The following RUNDC3B variants were observed in gnomAD, a reference collection of about 807,000 sequenced individuals.
RUNDC3B encodes RUN domain containing 3B.
Under a neutral mutation model 58.4 loss-of-function variants are expected in RUNDC3B, and 33 were observed. The observed-to-expected ratio is 0.56, with a 90% confidence interval of 0.43 to 0.75. The LOEUF is 0.75. RUNDC3B is among the 30% of genes least tolerant of loss of function. The pLI is 0.00. For synonymous variants in RUNDC3B, 193 were observed against 195.2 expected, an observed-to-expected ratio of 0.99 and a Z score of 0.10; for missense variants, 501 against 535.7, an observed-to-expected ratio of 0.94 and a Z score of 0.64.
intron 9 of RUNDC3B, among the ~76,000 whole-genome samples, chr7:87,813,043 T>C (rs1019327506): frequency 6.6e-6 from 1 of 152,272 alleles, no homozygotes; most frequent in Non-Finnish European, 1.5e-5. Context: ...TGTAGTCATT[T>C]TCATGCAAAG....
chr7:87,630,033 A>G (rs1450585813), intron 1 of RUNDC3B, among the ~76,000 whole-genome samples: 1 of 152,200 alleles, frequency 6.6e-6, no homozygotes, highest in African/African-American at 2.4e-5. Flanking sequence ...AGAAAAATTG[A>G]AACCCTAAGC....
At chr7:87,796,683 A>G (rs1835838972) in intron 8 of RUNDC3B, among the ~76,000 whole-genome samples, 1 of 152,218 alleles carries the variant, frequency 6.6e-6, no homozygotes, top group Admixed American at 6.5e-5. Flanking sequence ...ACTGTCAACC[A>G]TGTTTCATAT....
At chr7:87,642,326 G>GT (rs1822540812) in intron 1 of RUNDC3B, among the ~76,000 whole-genome samples, 1 of 151,912 alleles carries the variant, frequency 6.6e-6, no homozygotes, top group Non-Finnish European at 1.5e-5. Flanking sequence ...ATATGTTATG[G>GT]TTTTTTTCTG....
chr7:87,696,501 A>C (rs938878782), intron 2 of RUNDC3B, among the ~76,000 whole-genome samples: 2 of 152,320 alleles, frequency 1.3e-5, no homozygotes, highest in African/African-American at 4.8e-5. Context: ...CTTTCTGTAG[A>C]TGCAGAAATT....
At chr7:87,734,188 G>T (rs1263033546) in intron 4 of RUNDC3B, among the ~76,000 whole-genome samples, 1 of 152,104 alleles carries the variant, frequency 6.6e-6, no homozygotes, top group Non-Finnish European at 1.5e-5. Context: ...ATACATTGCT[G>T]GTGGGAAAAG....
At chr7:87,763,320 A>G (rs1833800859) in intron 6 of RUNDC3B, among the ~76,000 whole-genome samples, 1 of 151,576 alleles carries the variant, frequency 6.6e-6, no homozygotes, top group South Asian at 2.1e-4. Flanking sequence ...TATACTCTCA[A>G]TATTTGTTTA....
At chr7:87,763,192 C>G (rs1271179931) in intron 6 of RUNDC3B, among the ~76,000 whole-genome samples, 1 of 151,576 alleles carries the variant, frequency 6.6e-6, no homozygotes, top group Non-Finnish European at 1.5e-5. Flanking sequence ...AAATGAGAAT[C>G]TTGCATTGCT....
At chr7:87,709,612 C>A in intron 3 of RUNDC3B, 2 of 624,342 alleles carry the variant, frequency 3.2e-6, no homozygotes, top group Non-Finnish European at 4.0e-6. Flanking sequence ...CCTATATTGA[C>A]TCCTTTGTGA....
chr7:87,777,791 T>C lies in RUNDC3B; in HGVS notation c.799-7T>C, dbSNP rs1416155084. 2 of 1,613,042 alleles carry C rather than the reference T, an allele frequency of 1.2e-6. No homozygotes were observed. Among genetic ancestry groups the C allele is most frequent in the Admixed American group, 3.3e-5 (2 of 59,900 alleles). Reference sequence around the variant, plus strand: ...GTTTCTATATCTTGATGATACTGGATTTCCAGGGTTACCTTGAAGAACTCT... The same window carrying C: ...GTTTCTATATCTTGATGATACTGGACTTCCAGGGTTACCTTGAAGAACTCT... On this transcript the variant is annotated splice_polypyrimidine_tract_variant and splice_region_variant and intron_variant, in intron 7 of 10. Transcript: ENST00000394654.
chr7:87,710,773 T>A, intron 4 of RUNDC3B, 118 bp downstream of exon 4: 1 of 544,708 alleles, frequency 1.8e-6, no homozygotes, highest in Non-Finnish European at 3.2e-6. Context: ...TTTCCTCCTT[T>A]TGTTACTACT....
intron 7 of RUNDC3B, among the ~76,000 whole-genome samples, chr7:87,771,493 A>C (rs1171722539): frequency 6.6e-6 from 1 of 152,228 alleles, no homozygotes; most frequent in Non-Finnish European, 1.5e-5. Context: ...TACCAGCAAG[A>C]ATTCAGACTA....
intron 1 of RUNDC3B, among the ~76,000 whole-genome samples, chr7:87,641,694 A>G (rs1822471773): frequency 6.6e-6 from 1 of 152,164 alleles, no homozygotes; most frequent in South Asian, 2.1e-4. Flanking sequence ...AATCCTCCAA[A>G]ATACATATTG....
chr7:87,764,427 A>G (rs1320346656), intron 6 of RUNDC3B, among the ~76,000 whole-genome samples: 1 of 151,870 alleles, frequency 6.6e-6, no homozygotes, highest in East Asian at 1.9e-4. Flanking sequence ...AAAAAATATT[A>G]GACTGAGGCA....
chr7:87,658,277 C>G (rs566663378), intron 2 of RUNDC3B, among the ~76,000 whole-genome samples: 58 of 152,206 alleles, frequency 3.8e-4, no homozygotes, highest in African/African-American at 1.3e-3. Context: ...ATGGACCCAA[C>G]AGGAAAATGG....
chr7:87,668,405 CTATTT>C (rs1825485410), intron 2 of RUNDC3B, among the ~76,000 whole-genome samples: 2 of 151,664 alleles, frequency 1.3e-5, no homozygotes, highest in African/African-American at 2.4e-5. Flanking sequence ...AACTAGTGGC[CTATTT>C]TATTAGTTTT....
At chr7:87,804,694 G>A (rs574974592) in intron 8 of RUNDC3B, among the ~76,000 whole-genome samples, 42 of 152,074 alleles carry the variant, frequency 2.8e-4, no homozygotes, top group Non-Finnish European at 5.6e-4. Flanking sequence ...GTGATAAATA[G>A]AATCTATCAC....
chr7:87,799,475 T>A (rs918667618), intron 8 of RUNDC3B, among the ~76,000 whole-genome samples: 2 of 152,164 alleles, frequency 1.3e-5, no homozygotes, highest in Non-Finnish European at 2.9e-5. Context: ...AACATAAAAT[T>A]CTATATTACT....
At chr7:87,653,413 A>G (rs1224168906) in intron 2 of RUNDC3B, among the ~76,000 whole-genome samples, 1 of 152,084 alleles carries the variant, frequency 6.6e-6, no homozygotes, top group African/African-American at 2.4e-5. Flanking sequence ...ACATAGTACC[A>G]CTTCAGCTAG....
chr7:87,797,603 T>C (rs1158065597), intron 8 of RUNDC3B, among the ~76,000 whole-genome samples: 1 of 152,146 alleles, frequency 6.6e-6, no homozygotes, highest in African/African-American at 2.4e-5. Flanking sequence ...TAATGGGTGA[T>C]TTCCCAGCTG....
Sources: allele counts gnomAD v4.1 joint callset (sites outside exome capture counted in the v4.1 genomes callset), GRCh38; gene constraint gnomAD v4.1.1; transcripts MANE v1.5; gene names NCBI Gene and HGNC (gene_info 2026-07-23, HGNC 2026-07-21).